Variants in MROH9 observed in about 807,000 individuals in gnomAD.
MROH9 encodes the protein maestro heat-like repeat-containing protein family member 9.
MROH9 carries 92 observed loss-of-function variants against 98.2 expected under a neutral mutation model. That is an observed-to-expected ratio of 0.94 (90% CI 0.79 to 1.11). MROH9 has a LOEUF of 1.11. Ranked by LOEUF, MROH9 falls within the 50% of genes most tolerant of loss-of-function variation. The probability of loss-of-function intolerance (pLI) is 0.00; values close to 1 mark genes in which losing one functional copy is unlikely to be tolerated. For missense variants in MROH9, 1,057 were observed against 1,014.8 expected (o/e 1.04, Z -0.57); for synonymous variants, 397 against 368.9 (o/e 1.08, Z -0.87).
intron 15 of MROH9, among the ~76,000 whole-genome samples, chr1:171,004,524 T>C (rs1021133286): frequency 5.9e-5 from 9 of 152,188 alleles, no homozygotes; most frequent in Non-Finnish European, 1.2e-4. Context: ...GACCTTCAGC[T>C]TCTCCAGTCA....
intron 15 of MROH9, among the ~76,000 whole-genome samples, chr1:171,011,499 T>G (rs530798146): frequency 1.4e-4 from 22 of 152,340 alleles, no homozygotes; most frequent in African/African-American, 5.3e-4. Flanking sequence ...TGACTTACAT[T>G]TGGAGATTTA....
rs1653289294 is a variant in MROH9 at position 171,041,308 on chromosome 1, A to C, written c.2281+15888A>C. 2.7e-5 allele frequency among the ~76,000 whole-genome samples: 4 copies of C among 146,802 alleles called. No individual in the cohort carries two copies. The South Asian group carries it at 8.7e-4, about 32-fold the overall frequency. On this transcript the variant is annotated intron_variant, in intron 20 of 21. Transcript: ENST00000367759. ...TTGCATCCATGTTGCTGCAATATAC[A>C]TTATTCAATTCTTTTTTATGGCTGA...
intron 10 of MROH9, 32 bp from the exon 11 acceptor site, chr1:170,989,823 A>T: frequency 6.4e-7 from 1 of 1,572,086 alleles, no homozygotes; most frequent in Non-Finnish European, 8.7e-7. Context: ...GGAACAGGAG[A>T]TTCTTGTTTA....
At chr1:171,057,067 T>C (rs1653859609) in intron 20 of MROH9, among the ~76,000 whole-genome samples, 1 of 152,132 alleles carries the variant, frequency 6.6e-6, no homozygotes, top group Admixed American at 6.5e-5. Context: ...CTTCTCCAAA[T>C]GTTTGCAATG....
chr1:170,968,756 GTAAAAATAAAAATAATTT>G (rs1378752323), intron 7 of MROH9, among the ~76,000 whole-genome samples: 1 of 151,654 alleles, frequency 6.6e-6, no homozygotes, highest in African/African-American at 2.4e-5. Context: ...TCCAAAAAAA[GTAAAAATAAAAATAATTT>G]TAAAAATAAA....
At position 171,024,747 on chromosome 1, in the gene MROH9, C is replaced by T; in HGVS notation, c.2160C>T (p.Leu720=). The change falls in exon 19 of 22, where the codon CTC becomes CTT. Residue 720 remains leucine, a synonymous_variant. Coordinates refer to ENST00000367759, the MANE Select transcript of MROH9 (RefSeq NM_001163629.2). ...ATTACAGTTTTGAGATGGTGGTGCT[C>T]AATATCTGTAACAATCTTGTAAGTG... is the stretch of plus-strand genomic sequence containing the variant. ...DENYSFEMVV[L]NICNNLIISH... 3 of 1,546,500 alleles carry T rather than the reference C, an allele frequency of 1.9e-6. No homozygotes were observed. The highest frequency in any genetic ancestry group is 2.6e-6 in the Non-Finnish European group (3 of 1,142,644).
intron 3 of MROH9, among the ~76,000 whole-genome samples, chr1:170,956,943 G>T (rs1336139850): frequency 6.6e-6 from 1 of 151,468 alleles, no homozygotes; most frequent in Non-Finnish European, 1.5e-5. Context: ...TTCTCAGAGG[G>T]ACTGCTTTTT....
At chr1:171,036,288 G>A (rs1318485579) in intron 20 of MROH9, among the ~76,000 whole-genome samples, 2 of 151,960 alleles carry the variant, frequency 1.3e-5, no homozygotes, top group African/African-American at 4.8e-5. Context: ...CCTTAGATGT[G>A]GTCACTGTGT....
At chr1:170,996,839 C>A (rs1344327487) in intron 14 of MROH9, among the ~76,000 whole-genome samples, 195 bp downstream of exon 14, 1 of 151,402 alleles carries the variant, frequency 6.6e-6, no homozygotes, top group East Asian at 1.9e-4. Context: ...TTTCCTTTTT[C>A]TTGCCCTCTT....
In MROH9 at chr1:171,008,720, A is replaced by G. The variant is rs542447922; in HGVS notation, c.1597-5397A>G. ...GTCGTGAGCTGTGATTGTGCTTGTG[A>G]ATAATCAGTGCATTCCAGCTTGGGC... On this transcript the variant is annotated intron_variant, in intron 15 of 21. Coordinates refer to ENST00000367759, the MANE Select transcript of MROH9 (RefSeq NM_001163629.2). Among the ~76,000 whole-genome samples, 5 of 152,314 alleles carry G rather than the reference A, an allele frequency of 3.3e-5. No homozygotes were observed. The South Asian group carries it at 8.3e-4, about 25-fold the overall frequency.
chr1:170,962,055 T>C (rs904464405), intron 6 of MROH9, 79 bp downstream of exon 6: 2 of 765,446 alleles, frequency 2.6e-6, no homozygotes, highest in Admixed American at 7.4e-5. Flanking sequence ...TCTCATTTGC[T>C]ATATTTGCAT....
chr1:171,012,897 T>C, intron 15 of MROH9, among the ~76,000 whole-genome samples: 1 of 152,186 alleles, frequency 6.6e-6, no homozygotes, highest in Non-Finnish European at 1.5e-5. Flanking sequence ...GTCTTCACTC[T>C]GGGTATTAGC....
chr1:170,958,540 G>A lies in MROH9; in HGVS notation c.152G>A (p.Ser51Asn). 1 of 1,574,430 alleles carries A rather than the reference G, an allele frequency of 6.4e-7. No individual in the cohort carries two copies. The highest frequency in any genetic ancestry group is 8.7e-7 in the Non-Finnish European group (1 of 1,152,340). The change falls in exon 4 of 22, where the codon AGC (serine) becomes AAC (asparagine). Residue 51 changes from serine to asparagine, a missense_variant and splice_region_variant. Transcript: ENST00000367759. ...TCCATGATCCTGGCTGTGAACTCCA[G>A]GTATGATAAGCTATCATGCTCTTTT... ...NESMILAVNS[S>N]FVDPLLQFES...
chr1:170,958,233 A>G (rs1649855063), intron 3 of MROH9, among the ~76,000 whole-genome samples: 1 of 152,252 alleles, frequency 6.6e-6, no homozygotes, highest in Non-Finnish European at 1.5e-5. Context: ...TGCAAATTGT[A>G]TAAGCATAGT....
rs1165867991 is a variant in MROH9, at chr1:171,064,274, C to G, written c.2520C>G (p.Asn840Lys). 12 of 1,551,254 alleles carry G rather than the reference C, an allele frequency of 7.7e-6. 1 individual carries two copies. The South Asian group carries it at 1.3e-4, about 17-fold the overall frequency. ...AATTGAAGCCTCTTTACAATTATAA[C>G]TCACCCAATGGCCAGATAGACAGTC... ...IKKLKPLYNY[N>K]SPNGQIDSPT... The change falls in exon 22 of 22, where the codon AAC (asparagine) becomes AAG (lysine). Residue 840 changes from asparagine to lysine, a missense_variant. Asn to Lys is a moderately conservative substitution (Grantham distance 94, BLOSUM62 0). Coordinates refer to ENST00000367759, the MANE Select transcript of MROH9 (RefSeq NM_001163629.2).
chr1:171,059,963 T>C (rs1653964126), intron 20 of MROH9, among the ~76,000 whole-genome samples: 2 of 151,700 alleles, frequency 1.3e-5, no homozygotes, highest in Admixed American at 6.6e-5. Context: ...AGGTTATATA[T>C]GCACTCACAT....
intron 6 of MROH9, among the ~76,000 whole-genome samples, chr1:170,964,878 T>C (rs1650170409): frequency 6.6e-6 from 1 of 152,078 alleles, no homozygotes; most frequent in Admixed American, 6.6e-5. Flanking sequence ...TACTGAACTA[T>C]TCATGGTGCC....
rs1253038688 is a variant in MROH9, at chr1:171,024,713, A to G, written c.2126A>G (p.Lys709Arg). The G allele has an allele frequency of 6.4e-7, 1 of 1,551,254 alleles. No homozygotes were observed. The highest frequency in any genetic ancestry group is 2.0e-5 in the Admixed American group (1 of 50,986). ...AAGTGGTCAACATCACGTTTGCTCA[A>G]AGATGAAAATTACAGTTTTGAGATG... ...QLKWSTSRLL[K>R]DENYSFEMVV... Residue 709 changes from lysine to arginine, a missense_variant, in exon 19 of 22, where the codon AAA (lysine) becomes AGA (arginine). By Grantham distance (26) the Lys-to-Arg change is conservative (BLOSUM62 2). Coordinates refer to ENST00000367759, the MANE Select transcript of MROH9 (RefSeq NM_001163629.2).
At chr1:171,029,937 G>C (rs994765686) in intron 20 of MROH9, among the ~76,000 whole-genome samples, 19 of 151,964 alleles carry the variant, frequency 1.3e-4, no homozygotes, top group African/African-American at 3.9e-4. Context: ...GGCTTTTTTT[G>C]GTTGGTAGGC....
Sources: gnomAD v4.1 joint callset for allele counts (sites outside exome capture counted in the v4.1 genomes callset) on GRCh38, gnomAD v4.1.1 for gene constraint, MANE v1.5 for transcripts, NCBI Gene and HGNC (gene_info 2026-07-23, HGNC 2026-07-21) for gene names.